Variants in DENND2D observed in about 807,000 individuals in gnomAD.
DENND2D encodes the protein DENN domain-containing protein 2D.
DENND2D carries 37 observed loss-of-function variants against 59.8 expected under a neutral mutation model. That is an observed-to-expected ratio of 0.62 (90% CI 0.48 to 0.81). The LOEUF is 0.81. DENND2D is among the 40% of genes least tolerant of loss of function. The pLI is 0.00. For missense variants in DENND2D, 525 were observed against 579.7 expected (o/e 0.91, Z 0.97); for synonymous variants, 219 against 211.3 (o/e 1.04, Z -0.31).
rs373984735 is a variant in DENND2D, at chr1:111,198,692, T to A, written c.294A>T (p.Lys98Asn). The A allele has an allele frequency of 6.8e-6, 11 of 1,614,180 alleles. No individual in the cohort carries two copies. The African/African-American group carries it at 1.3e-4, about 20-fold the overall frequency. ...CTGGGAAGCAGAACAAGGGGATAGC[T>A]TTGAGCAGCCGCTCCTCCTCCTCCT... ...GQQEEEERLL[K>N]AIPLFCFPDG... is the part of the protein sequence containing the mutation. Residue 98 changes from lysine to asparagine, a missense_variant, in exon 3 of 12, where the codon AAA becomes AAT. Around this residue, in one of 3 missense-constraint regions of DENND2D, gnomAD observed 253 missense variants for 246.4 expected, o/e 1.03. Transcript: ENST00000357640.
chr1:111,198,840 C>T (rs1437086693), intron 2 of DENND2D, 98 bp from the exon 3 acceptor site: 1 of 1,251,908 alleles, frequency 8.0e-7, no homozygotes, highest in Non-Finnish European at 1.1e-6. Flanking sequence ...GGCTCTAAAG[C>T]AGTCTAGGGT....
At chr1:111,200,971 A>G (rs1200369246), upstream of DENND2D, 1 of 160,812 alleles carries the variant, frequency 6.2e-6, no homozygotes, top group Non-Finnish European at 1.4e-5. Context: ...CTGACCTTTC[A>G]CTTCTCAACT....
At chr1:111,193,927 C>A (rs189014853) in intron 7 of DENND2D, among the ~76,000 whole-genome samples, 2 of 152,358 alleles carry the variant, frequency 1.3e-5, no homozygotes, top group Admixed American at 1.3e-4. Flanking sequence ...AATATGTGCT[C>A]AGCAGGGTGT....
At chr1:111,199,191 T>C (rs1658555278) in intron 2 of DENND2D, among the ~76,000 whole-genome samples, 1 of 152,228 alleles carries the variant, frequency 6.6e-6, no homozygotes, top group Non-Finnish European at 1.5e-5. Flanking sequence ...AGTCTAATGC[T>C]TGGGCTCGGG....
chr1:111,200,078 CCCCAGGG>C, intron 1 of DENND2D: 1 of 549,834 alleles, frequency 1.8e-6, no homozygotes, highest in Non-Finnish European at 3.2e-6. Context: ...GAGGCCAAGG[CCCCAGGG>C]TACCACAGAG....
chr1:111,191,906 C>T (rs1657809847), intron 8 of DENND2D, among the ~76,000 whole-genome samples: 1 of 152,188 alleles, frequency 6.6e-6, no homozygotes, highest in Non-Finnish European at 1.5e-5. Flanking sequence ...AGGGAACCTG[C>T]ATTTATTGAG....
intron 1 of DENND2D, 31 bp downstream of exon 1, chr1:111,200,362 A>T: frequency 6.2e-7 from 1 of 1,604,696 alleles, no homozygotes; most frequent in Non-Finnish European, 8.5e-7. Flanking sequence ...GGTCACCCTA[A>T]AAACAAGGAA....
At chr1:111,190,252 A>AAGAGG (rs1657653438) in intron 8 of DENND2D, among the ~76,000 whole-genome samples, 1 of 151,622 alleles carries the variant, frequency 6.6e-6, no homozygotes, top group African/African-American at 2.4e-5. Context: ...GGTCAACAGG[A>AAGAGG]AGAGGAAAGG....
chr1:111,189,152 T>G, intron 9 of DENND2D, 60 bp downstream of exon 9: 1 of 1,569,410 alleles, frequency 6.4e-7, no homozygotes, highest in Non-Finnish European at 8.8e-7. Context: ...GGAACATGGA[T>G]GAAACTAGAG....
chr1:111,198,811 G>A, intron 2 of DENND2D, 69 bp from the exon 3 acceptor site: 1 of 1,528,840 alleles, frequency 6.5e-7, no homozygotes, highest in Non-Finnish European at 9.0e-7. Context: ...CAGCTTCAGA[G>A]CTGGTGGGCT....
chr1:111,189,307 G>T, intron 8 of DENND2D, 54 bp from the exon 9 acceptor site: 1 of 1,600,500 alleles, frequency 6.2e-7, no homozygotes, highest in Non-Finnish European at 8.6e-7. Flanking sequence ...TAGACCCCCA[G>T]AGGATTTACC....
upstream of DENND2D, among the ~76,000 whole-genome samples, chr1:111,203,982 T>C (rs964332814): frequency 9.2e-5 from 14 of 152,218 alleles, no homozygotes; most frequent in African/African-American, 3.4e-4. Context: ...TCAGGCACAC[T>C]GCGGTTGCAC....
At chr1:111,196,786 CT>C in intron 5 of DENND2D, 1 of 209,698 alleles carries the variant, frequency 4.8e-6, no homozygotes, top group Non-Finnish European at 1.0e-5. Context: ...AGTGCTCTGC[CT>C]TTTATAAAGA....
upstream of DENND2D, chr1:111,202,421 G>A (rs1350762371): frequency 1.3e-5 from 2 of 152,112 alleles, no homozygotes; most frequent in Non-Finnish European, 2.9e-5. Flanking sequence ...TTTCATATAA[G>A]GCATCTCATT....
At chr1:111,199,176 CAAG>C (rs1658554171) in intron 2 of DENND2D, among the ~76,000 whole-genome samples, 1 of 152,222 alleles carries the variant, frequency 6.6e-6, no homozygotes, top group African/African-American at 2.4e-5. Flanking sequence ...AAGGATCAGA[CAAG>C]GAGTCTAATG....
chr1:111,198,769 G>GA (rs753820798), intron 2 of DENND2D, 27 bp from the exon 3 acceptor site: 1 of 1,611,860 alleles, frequency 6.2e-7, no homozygotes, highest in Non-Finnish European at 8.5e-7. Flanking sequence ...AAGACAAGTG[G>GA]ATGTGAAGCT....
upstream of DENND2D, chr1:111,204,244 G>C: frequency 6.9e-7 from 1 of 1,442,204 alleles, no homozygotes. Flanking sequence ...CCCTAGCCCC[G>C]GCTCCCCGGT....
At chr1:111,195,616 A>G in intron 6 of DENND2D, 1 of 323,226 alleles carries the variant, frequency 3.1e-6, no homozygotes, top group Non-Finnish European at 5.9e-6. Flanking sequence ...GGCAAGTGGC[A>G]GTCTGAGGGC....
At position 111,188,356 on chromosome 1, in the gene DENND2D, T is replaced by C; in HGVS notation, c.1114A>G (p.Asn372Asp). Residue 372 changes from asparagine (N) to aspartate (D), a missense_variant, in exon 11 of 12, where the codon AAC (asparagine) becomes GAC (aspartate). By Grantham distance (23) the Asn-to-Asp change is conservative. Coordinates refer to ENST00000357640, the MANE Select transcript of DENND2D (RefSeq NM_024901.5). ...ACAAAGGGGCCTGAAACATGCTCGT[T>C]GATTTGTTCTGCAGCTGCAGGAGAT... ...INELKTAEQI[N>D]EHVSGPFVQF... is the part of the protein sequence containing the mutation. 2 of 1,613,642 alleles carry C rather than the reference T, an allele frequency of 1.2e-6. No homozygotes were observed. Among genetic ancestry groups the C allele is most frequent in the Non-Finnish European group, 1.7e-6 (2 of 1,179,930 alleles).
Sources: allele counts gnomAD v4.1 joint callset (sites outside exome capture counted in the v4.1 genomes callset), GRCh38; gene constraint gnomAD v4.1.1; regional missense constraint gnomAD v4.1.1; transcripts MANE v1.5; gene names NCBI Gene and HGNC (gene_info 2026-07-23, HGNC 2026-07-21).